The following IL17RD variants were observed in gnomAD, a reference collection of about 807,000 sequenced individuals.
IL17RD encodes the protein interleukin-17 receptor D.
A neutral mutation model predicts 80.5 loss-of-function variants in IL17RD; 52 were observed. That is an observed-to-expected ratio of 0.65 (90% CI 0.52 to 0.81). The LOEUF is 0.81. Ranked by LOEUF, IL17RD falls within the 40% of genes least tolerant of loss-of-function variation. The pLI is 0.00. For synonymous variants in IL17RD, 416 were observed against 391.8 expected, an observed-to-expected ratio of 1.06 and a Z score of -0.73; for missense variants, 1,024 against 955.1, an observed-to-expected ratio of 1.07 and a Z score of -0.95.
intron 1 of IL17RD, among the ~76,000 whole-genome samples, chr3:57,131,994 T>C (rs1366472430): frequency 6.6e-6 from 1 of 152,050 alleles, no homozygotes; most frequent in Non-Finnish European, 1.5e-5. Flanking sequence ...AAGACCAGCC[T>C]GGGCAAAACG....
intron 1 of IL17RD, among the ~76,000 whole-genome samples, chr3:57,152,161 C>T (rs1023602208): frequency 1.3e-5 from 2 of 152,080 alleles, no homozygotes; most frequent in East Asian, 1.9e-4. Context: ...CCAGAGCAAA[C>T]GAGACCAAGC....
intron 9 of IL17RD, 95 bp from the exon 10 acceptor site, chr3:57,102,684 A>G (rs1706863821): frequency 1.8e-6 from 1 of 554,108 alleles, no homozygotes; most frequent in Non-Finnish European, 3.2e-6. Context: ...GCCGCATAAC[A>G]GGTTCTAGGA....
In IL17RD at chr3:57,095,339, G is replaced by C. The variant is rs1706648472; in HGVS notation, c.*1054C>G. The stretch of plus-strand genomic sequence containing the variant: ...CTGTAGAAAGTCATTCATAAAAATG[G>C]AACATTTACTTTTGTGACTATCACC... On this transcript the variant is annotated 3_prime_UTR_variant, in exon 13 of 13. Transcript: ENST00000296318. The C allele has an allele frequency of 6.6e-6, 1 of 152,112 alleles. No homozygotes were observed. Among genetic ancestry groups the C allele is most frequent in the South Asian group, 2.1e-4 (1 of 4,828 alleles). 9.4% of individuals were successfully genotyped at this position (152,112 alleles called of 1,614,324 possible).
At chr3:57,135,018 G>T (rs920240166) in intron 1 of IL17RD, among the ~76,000 whole-genome samples, 2 of 152,144 alleles carry the variant, frequency 1.3e-5, no homozygotes, top group African/African-American at 4.8e-5. Context: ...TGATATGGAA[G>T]GATGGCTTGA....
intron 1 of IL17RD, among the ~76,000 whole-genome samples, chr3:57,128,212 TTCCCACCAGCAATTAC>T (rs1707534494): frequency 6.6e-6 from 1 of 152,024 alleles, no homozygotes; most frequent in Admixed American, 6.6e-5. Flanking sequence ...TGCTGCTGGG[TTCCCACCAGCAATTAC>T]CACATTGGCC....
chr3:57,161,233 GACA>G (rs1474059443), intron 1 of IL17RD, among the ~76,000 whole-genome samples: 1 of 152,182 alleles, frequency 6.6e-6, no homozygotes, highest in Non-Finnish European at 1.5e-5. Context: ...CTGTAACATG[GACA>G]ACATGGCCAT....
At chr3:57,157,170 A>G (rs2060273661) in intron 1 of IL17RD, among the ~76,000 whole-genome samples, 2 of 152,294 alleles carry the variant, frequency 1.3e-5, no homozygotes, top group South Asian at 2.1e-4. Flanking sequence ...CAACTGAGAC[A>G]TGGGCTAAAA....
chr3:57,134,715 G>A (rs1293280095), intron 1 of IL17RD: 4 of 670,258 alleles, frequency 6.0e-6, no homozygotes, highest in South Asian at 2.9e-5. Context: ...GGAAGAGACC[G>A]AGAAGTGAAA....
chr3:57,105,552 A>AAAAAAAAAAAAAAAAAAAAAT lies in IL17RD; in HGVS notation c.747+304_747+305insATTTTTTTTTTTTTTTTTTTT. 4.4e-4 allele frequency among the ~76,000 whole-genome samples: 28 copies of AAAAAAAAAAAAAAAAAAAAAT among 63,574 alleles called. 1 individual carries two copies. The highest frequency in any genetic ancestry group is 5.8e-4 in the Non-Finnish European group (21 of 35,914). The allele number at this position is 63,574 out of a possible 152,430, so 41.7% of individuals were successfully genotyped here. ...ACTCCATCTCAAAAAAAAAAAAAAA[A>AAAAAAAAAAAAAAAAAAAAAT]ATATATATATATATATATTTGTTCA... On this transcript the variant is annotated intron_variant, in intron 7 of 12. Coordinates refer to ENST00000296318, the MANE Select transcript of IL17RD (RefSeq NM_017563.5).
intron 3 of IL17RD, 100 bp from the exon 4 acceptor site, chr3:57,110,411 G>A: frequency 7.6e-7 from 1 of 1,313,980 alleles, no homozygotes; most frequent in Non-Finnish European, 1.1e-6. Context: ...ACACACCAGA[G>A]TTAAAGGAAT....
intron 1 of IL17RD, among the ~76,000 whole-genome samples, chr3:57,162,134 G>A (rs1393943978): frequency 6.6e-6 from 1 of 152,234 alleles, no homozygotes; most frequent in Non-Finnish European, 1.5e-5. Context: ...CAGAGGGTTG[G>A]CTGGCTGTAG....
intron 5 of IL17RD, among the ~76,000 whole-genome samples, chr3:57,106,935 C>A (rs35620988): frequency 6.6e-6 from 1 of 152,098 alleles, no homozygotes; most frequent in African/African-American, 2.4e-5. Context: ...TCTATGCCAA[C>A]GGGAAAAATT....
intron 2 of IL17RD, among the ~76,000 whole-genome samples, chr3:57,116,888 A>AT (rs1276088136): frequency 7.5e-5 from 4 of 53,076 alleles, no homozygotes; most frequent in African/African-American, 2.1e-4. Context: ...TTCCCAAAAT[A>AT]TTAAAAAAAA....
Position 57,097,801 on chromosome 3 carries a change from C to G in IL17RD, c.1902G>C (p.Arg634=). 6.2e-7 allele frequency: 1 copy of G among 1,605,180 alleles called. No homozygotes were observed. The highest frequency in any genetic ancestry group is 8.5e-7 in the Non-Finnish European group (1 of 1,175,924). ...GGGCGGCGCTACCGTCAAGGGCAGG[C>G]CGGGCCTCCCCGTCTTGGTCCAGGC... ...HGGLDQDGEA[R]PALDGSAALQ... Residue 634 remains arginine (R), a synonymous_variant, in exon 12 of 13, where the codon CGG becomes CGC. Coordinates refer to ENST00000296318, the MANE Select transcript of IL17RD (RefSeq NM_017563.5).
At chr3:57,111,084 C>T (rs1197304672) in intron 3 of IL17RD, among the ~76,000 whole-genome samples, 3 of 152,242 alleles carry the variant, frequency 2.0e-5, no homozygotes, top group Admixed American at 6.5e-5. Context: ...GTGTATCCCA[C>T]GGAGACTGAA....
At chr3:57,163,495 T>C (rs950989722) in intron 1 of IL17RD, among the ~76,000 whole-genome samples, 2 of 152,104 alleles carry the variant, frequency 1.3e-5, no homozygotes, top group African/African-American at 4.8e-5. Context: ...AGAAGCCACC[T>C]TGGCAACTGC....
At chr3:57,159,782 T>G (rs2060291349) in intron 1 of IL17RD, among the ~76,000 whole-genome samples, 1 of 152,244 alleles carries the variant, frequency 6.6e-6, no homozygotes, top group Non-Finnish European at 1.5e-5. Context: ...AGCTCCCTGA[T>G]AGCTGAGCCC....
Position 57,098,129 on chromosome 3 carries a change from G to A in IL17RD, c.1574C>T (p.Thr525Met), listed in dbSNP as rs946897538. The A allele has an allele frequency of 6.2e-7, 1 of 1,613,966 alleles. No homozygotes were observed. Among genetic ancestry groups the A allele is most frequent in the Non-Finnish European group, 8.5e-7 (1 of 1,179,882 alleles). ...DHGLQEPGQH[T>M]RQGSRRNYFR... is the part of the protein sequence containing the mutation. ...GTAGTTCCTTCTGCTGCCCTGTCGC[G>A]TGTGCTGCCCCGGCTCCTGGAGGCC... The change falls in exon 12 of 13, where the codon ACG becomes ATG. Residue 525 changes from threonine to methionine, a missense_variant. By Grantham distance (81) the Thr-to-Met change is moderately conservative. Coordinates refer to ENST00000296318, the MANE Select transcript of IL17RD (RefSeq NM_017563.5).
chr3:57,141,676 G>T (rs1279525818), intron 1 of IL17RD, among the ~76,000 whole-genome samples: 2 of 151,442 alleles, frequency 1.3e-5, no homozygotes, highest in African/African-American at 4.8e-5. Flanking sequence ...ATTTCTGGGA[G>T]GAAAAAAAAA....
Sources: allele counts gnomAD v4.1 joint callset (sites outside exome capture counted in the v4.1 genomes callset), GRCh38; gene constraint gnomAD v4.1.1; transcripts MANE v1.5; gene names NCBI Gene and HGNC (gene_info 2026-07-23, HGNC 2026-07-21).